PRKAR1B: variants seen among roughly 807,000 people sequenced by gnomAD.
The protein encoded by PRKAR1B is protein kinase cAMP-dependent type I regulatory subunit beta.
A neutral mutation model predicts 46.5 loss-of-function variants in PRKAR1B; 22 were observed. The ratio of observed to expected loss-of-function variants is 0.47; its 90% CI spans 0.34 to 0.68. PRKAR1B has a LOEUF of 0.68. Ranked by LOEUF, PRKAR1B falls within the 30% of genes least tolerant of loss-of-function variation. PRKAR1B has a pLI of 0.01. For synonymous variants in PRKAR1B, 259 were observed against 217.7 expected (o/e 1.19, Z -1.67); for missense variants, 445 against 535.6 (o/e 0.83, Z 1.67).
intron 4 of PRKAR1B, among the ~76,000 whole-genome samples, chr7:613,158 T>G (rs1020834700): frequency 1.3e-5 from 2 of 151,296 alleles, no homozygotes; most frequent in Non-Finnish European, 2.9e-5. Flanking sequence ...CTAGAGGCTA[T>G]GCACCGTAAG....
chr7:640,554 G>A (rs927943070), intron 4 of PRKAR1B, among the ~76,000 whole-genome samples: 1 of 152,140 alleles, frequency 6.6e-6, no homozygotes, highest in Admixed American at 6.5e-5. Context: ...CCTGAGGTCA[G>A]GAGTTCGAGA....
intron 7 of PRKAR1B, among the ~76,000 whole-genome samples, chr7:594,316 C>T (rs1249582900): frequency 2.0e-5 from 3 of 152,086 alleles, no homozygotes; most frequent in Non-Finnish European, 4.4e-5. Context: ...GAGGAGAGGC[C>T]GAGGACCCCG....
chr7:628,256 C>G (rs929271533), intron 4 of PRKAR1B, among the ~76,000 whole-genome samples: 1 of 152,374 alleles, frequency 6.6e-6, no homozygotes, highest in East Asian at 1.9e-4. Flanking sequence ...ACAGGCTGGA[C>G]CCAGCCTAGA....
rs956056563 is a variant in PRKAR1B, at chr7:714,654, C to T, written c.-22-3127G>A. ...TAGGAGTGCGAGGCGTGGCCCCCAC[C>T]GCCCCAACCTGCAGACAAGTTTCTG... On this transcript the variant is annotated intron_variant, in intron 1 of 10. Transcript: ENST00000537384. This position sits in a 1 kb window ranked among gnomAD's most constrained non-coding sequence, Gnocchi z 4.3. 7.2e-5 allele frequency among the ~76,000 whole-genome samples: 11 copies of T among 152,214 alleles called. No individual in the cohort carries two copies. The highest frequency in any genetic ancestry group is 1.6e-4 in the Non-Finnish European group (11 of 68,040).
intron 9 of PRKAR1B, among the ~76,000 whole-genome samples, chr7:573,465 C>T (rs181915957): frequency 1.4e-4 from 21 of 152,160 alleles, no homozygotes; most frequent in African/African-American, 4.1e-4. Context: ...TGTGCAGGAG[C>T]GCGTGGGGGC....
intron 2 of PRKAR1B, among the ~76,000 whole-genome samples, chr7:695,185 T>A (rs1168170281): frequency 6.6e-6 from 1 of 152,120 alleles, no homozygotes; most frequent in Non-Finnish European, 1.5e-5. Context: ...CGCTCTGTGA[T>A]CGGCAGGTGC....
Position 550,404 on chromosome 7 carries a change from C to A in PRKAR1B, c.*26G>T, listed in dbSNP as rs1250655489. ...AGGGCACGGCCACCACACTGGGGAG[C>A]TGGGGCTGCAGGGCGGGAGCTGTGC... is the stretch of plus-strand genomic sequence containing the variant. On this transcript the variant is annotated 3_prime_UTR_variant, in exon 11 of 11. Coordinates refer to ENST00000537384, the MANE Select transcript of PRKAR1B (RefSeq NM_001164760.2). The A allele has an allele frequency of 6.4e-7, 1 of 1,569,368 alleles. No homozygotes were observed. Among genetic ancestry groups the A allele is most frequent in the Non-Finnish European group, 8.6e-7 (1 of 1,157,260 alleles).
chr7:682,697 C>G (rs1583412153), intron 2 of PRKAR1B, among the ~76,000 whole-genome samples: 1 of 151,312 alleles, frequency 6.6e-6, no homozygotes, highest in East Asian at 1.9e-4. Context: ...GAGCCGAGAT[C>G]GTGCCACTGC....
rs574213549 is a variant in PRKAR1B at position 570,158 on chromosome 7, C to A, written c.891+9098G>T. On this transcript the variant is annotated intron_variant, in intron 9 of 10. Transcript: ENST00000537384. ...TCGGCGGATCTCACCTGCCCTGACC[C>A]GCGAGAGGAGGGAGGACGCGCGGCC... 9.9e-5 allele frequency among the ~76,000 whole-genome samples: 15 copies of A among 152,212 alleles called. No individual in the cohort carries two copies. The South Asian group carries it at 1.4e-3, about 15-fold the overall frequency.
At chr7:609,326 A>G (rs1399549387) in intron 4 of PRKAR1B, among the ~76,000 whole-genome samples, 3 of 152,182 alleles carry the variant, frequency 2.0e-5, no homozygotes, top group Non-Finnish European at 2.9e-5. Context: ...TTTTTAAAAA[A>G]ATATTTCAAC....
intron 8 of PRKAR1B, among the ~76,000 whole-genome samples, chr7:583,568 ATGCACACACACTTGCACACTCCCAGG>A (rs1780395204): frequency 1.8e-5 from 1 of 55,646 alleles, no homozygotes; most frequent in Admixed American, 1.5e-4. Context: ...GTGCACACCC[ATGCACACACACTTGCACACTCCCAGG>A]TGCACACACA....
chr7:673,271 A>G (rs1786392353), intron 4 of PRKAR1B, among the ~76,000 whole-genome samples: 1 of 152,048 alleles, frequency 6.6e-6, no homozygotes, highest in Admixed American at 6.6e-5. Context: ...CAACCGGGTG[A>G]ACGTAATATC....
chr7:631,070 G>T (rs1783709065), intron 4 of PRKAR1B, among the ~76,000 whole-genome samples: 1 of 151,672 alleles, frequency 6.6e-6, no homozygotes, highest in Non-Finnish European at 1.5e-5. Context: ...TCCTGCCTCA[G>T]CCTCCCGAGT....
chr7:552,685 G>A (rs1784322290), intron 9 of PRKAR1B, among the ~76,000 whole-genome samples: 1 of 152,174 alleles, frequency 6.6e-6, no homozygotes, highest in South Asian at 2.1e-4. Context: ...CTGGCCCCCC[G>A]CACCTTTGCC....
chr7:554,046 C>T (rs1784416815), intron 9 of PRKAR1B, among the ~76,000 whole-genome samples: 1 of 152,264 alleles, frequency 6.6e-6, no homozygotes, highest in Non-Finnish European at 1.5e-5. Flanking sequence ...TGGGCCCCCA[C>T]CCACAGGAAC....
chr7:597,268 A>C (rs1295874986), intron 6 of PRKAR1B, among the ~76,000 whole-genome samples: 2 of 152,252 alleles, frequency 1.3e-5, no homozygotes, highest in Non-Finnish European at 2.9e-5. Flanking sequence ...CATTATCTGG[A>C]TAATAACTGA....
chr7:691,727 G>A (rs904735133), intron 2 of PRKAR1B: 3 of 1,245,508 alleles, frequency 2.4e-6, no homozygotes, highest in East Asian at 5.7e-5. Flanking sequence ...AAACCCCGGG[G>A]AGGGGAATCC....
At chr7:684,402 C>T (rs1045486670) in intron 2 of PRKAR1B, among the ~76,000 whole-genome samples, 12 of 152,164 alleles carry the variant, frequency 7.9e-5, no homozygotes, top group African/African-American at 2.7e-4. Context: ...AGCGACCTCT[C>T]GAATGACAGC....
intron 4 of PRKAR1B, among the ~76,000 whole-genome samples, chr7:660,534 GT>G (rs1207763168): frequency 1.1e-5 from 1 of 95,088 alleles, no homozygotes; most frequent in Non-Finnish European, 2.1e-5. Context: ...CATGGCACAG[GT>G]CCCCACCCCA....
Sources: allele counts gnomAD v4.1 joint callset (sites outside exome capture counted in the v4.1 genomes callset), GRCh38; gene constraint gnomAD v4.1.1; non-coding constraint Gnocchi (gnomAD v3.1); transcripts MANE v1.5; gene names NCBI Gene and HGNC (gene_info 2026-07-23, HGNC 2026-07-21).